Variants in PAX7 observed in about 807,000 individuals in gnomAD.
The protein encoded by PAX7 is paired box 7.
A neutral mutation model predicts 50.7 loss-of-function variants in PAX7; 18 were observed. The ratio of observed to expected loss-of-function variants is 0.36; its 90% CI spans 0.25 to 0.53. PAX7 has a LOEUF of 0.53. Among genes scored for constraint, PAX7 ranks in the 20% least tolerant of loss-of-function variants. The pLI, the probability that PAX7 is intolerant of heterozygous loss-of-function variation, is 0.93. For synonymous variants in PAX7, 310 were observed against 290.4 expected (o/e 1.07, Z -0.69); for missense variants, 644 against 702.9 (o/e 0.92, Z 0.95).
chr1:18,702,535 A>G (rs531849249), intron 6 of PAX7, among the ~76,000 whole-genome samples: 26 of 152,208 alleles, frequency 1.7e-4, no homozygotes, highest in South Asian at 6.3e-4. Context: ...CAGAGAGCGC[A>G]GAATAACAGC....
chr1:18,679,891 T>G (rs1242559233), intron 4 of PAX7, among the ~76,000 whole-genome samples: 2 of 152,222 alleles, frequency 1.3e-5, no homozygotes, highest in African/African-American at 4.8e-5. Flanking sequence ...TGCTTGCCTC[T>G]GAGGGATACA....
At chr1:18,653,054 A>G (rs1418605803) in intron 4 of PAX7, among the ~76,000 whole-genome samples, 2 of 152,178 alleles carry the variant, frequency 1.3e-5, no homozygotes, top group African/African-American at 4.8e-5. Context: ...TTTTGCAGGC[A>G]CTGACTTTGG....
chr1:18,686,294 G>T (rs2088975070), intron 4 of PAX7, among the ~76,000 whole-genome samples: 1 of 152,196 alleles, frequency 6.6e-6, no homozygotes, highest in South Asian at 2.1e-4. Flanking sequence ...CCTGACTAGA[G>T]ACAGGATCCA....
chr1:18,702,998 CG>C, intron 6 of PAX7, 95 bp from the exon 7 acceptor site: 1 of 1,116,940 alleles, frequency 9.0e-7, no homozygotes, highest in Admixed American at 2.1e-5. Context: ...GAATGGAGAC[CG>C]GGAGGAGGAG....
At chr1:18,719,022 G>A (rs1026025292) in intron 7 of PAX7, among the ~76,000 whole-genome samples, 16 of 152,320 alleles carry the variant, frequency 1.1e-4, no homozygotes, top group African/African-American at 3.8e-4. Context: ...CAATCTCAGA[G>A]CTAGAAGGCA....
chr1:18,696,391 AG>A (rs1326207637), intron 5 of PAX7, among the ~76,000 whole-genome samples: 1 of 152,124 alleles, frequency 6.6e-6, no homozygotes, highest in Non-Finnish European at 1.5e-5. Flanking sequence ...TTTATGTGCC[AG>A]GCATGATGGC....
At chr1:18,704,525 C>T (rs187334093) in intron 7 of PAX7, among the ~76,000 whole-genome samples, 19 of 152,102 alleles carry the variant, frequency 1.2e-4, no homozygotes, top group African/African-American at 2.9e-4. Flanking sequence ...GAGGCTGAGG[C>T]GAGAGAATCG....
chr1:18,732,180 C>T (rs1417875573), intron 7 of PAX7, among the ~76,000 whole-genome samples: 2 of 152,130 alleles, frequency 1.3e-5, no homozygotes, highest in African/African-American at 2.4e-5. Context: ...ATTTTTCCTC[C>T]GTAGCATTTA....
At chr1:18,722,544 A>G (rs573365977) in intron 7 of PAX7, among the ~76,000 whole-genome samples, 1 of 152,160 alleles carries the variant, frequency 6.6e-6, no homozygotes, top group East Asian at 1.9e-4. Context: ...GCTAAACAAG[A>G]AGGTGTGGGA....
At chr1:18,739,346 A>G (rs9439735) in intron 8 of PAX7, among the ~76,000 whole-genome samples, 7,639 of 152,346 alleles carry the variant, frequency 0.05, 555 homozygotes, top group African/African-American at 0.16. Flanking sequence ...ATGCATGTGC[A>G]TATGGATAGA....
intron 7 of PAX7, among the ~76,000 whole-genome samples, chr1:18,723,609 G>A (rs1259433309): frequency 1.3e-5 from 2 of 152,222 alleles, no homozygotes; most frequent in Non-Finnish European, 2.9e-5. Flanking sequence ...ACAGAGGTTG[G>A]GGCAAAGATG....
chr1:18,673,859 G>A (rs1373207663), intron 4 of PAX7, among the ~76,000 whole-genome samples: 1 of 152,174 alleles, frequency 6.6e-6, no homozygotes, highest in East Asian at 1.9e-4. Flanking sequence ...TGAGACATCT[G>A]GAAGCAGAAG....
chr1:18,727,234 G>A (rs989057845), intron 7 of PAX7, among the ~76,000 whole-genome samples: 1 of 151,164 alleles, frequency 6.6e-6, no homozygotes. Context: ...ATCACACAAG[G>A]ACTTAGAAGC....
chr1:18,654,465 G>T (rs2088481957), intron 4 of PAX7, among the ~76,000 whole-genome samples: 1 of 152,180 alleles, frequency 6.6e-6, no homozygotes, highest in African/African-American at 2.4e-5. Flanking sequence ...ATGACAAAAT[G>T]CAACACAGTA....
Position 18,634,629 on chromosome 1 carries a change from C to A in PAX7, c.321+91C>A. ...CCTCTTACTACCTCGTGGCACCAGG[C>A]TGTAGGAAAGTACAGCTGGAGGGTG... On this transcript the variant is annotated intron_variant, in intron 2 of 8. Coordinates refer to ENST00000420770, the MANE Select transcript of PAX7 (RefSeq NM_001135254.2). This position sits in a 1 kb window ranked among gnomAD's most constrained non-coding sequence, Gnocchi z 4.0. The A allele has an allele frequency of 9.7e-7, 1 of 1,029,018 alleles. No homozygotes were observed. Among genetic ancestry groups the A allele is most frequent in the Non-Finnish European group, 1.5e-6 (1 of 683,452 alleles). The allele number at this position is 1,029,018 out of a possible 1,614,324, so 63.7% of individuals were successfully genotyped here.
intron 4 of PAX7, among the ~76,000 whole-genome samples, chr1:18,682,725 C>A (rs1179004554): frequency 6.6e-6 from 1 of 152,178 alleles, no homozygotes; most frequent in Middle Eastern, 3.2e-3. Flanking sequence ...AATGGACTCC[C>A]CAGATGTGCT....
intron 7 of PAX7, among the ~76,000 whole-genome samples, chr1:18,705,542 A>C (rs543351140): frequency 6.6e-6 from 1 of 152,216 alleles, no homozygotes; most frequent in South Asian, 2.1e-4. Flanking sequence ...TGCTTTTCCT[A>C]GCCCGCCCTG....
intron 7 of PAX7, among the ~76,000 whole-genome samples, chr1:18,707,438 G>C (rs886946480): frequency 1.9e-5 from 1 of 52,642 alleles, no homozygotes; most frequent in Admixed American, 2.5e-4. Context: ...TTTTTTTTTT[G>C]AGATAGGGTT....
chr1:18,642,163 T>G (rs2088266136), intron 4 of PAX7, among the ~76,000 whole-genome samples: 1 of 151,436 alleles, frequency 6.6e-6, no homozygotes, highest in African/African-American at 2.4e-5. Context: ...AAACATATTT[T>G]TATATAGGAA....
Sources: allele counts gnomAD v4.1 joint callset (sites outside exome capture counted in the v4.1 genomes callset), GRCh38; gene constraint gnomAD v4.1.1; non-coding constraint Gnocchi (gnomAD v3.1); transcripts MANE v1.5; gene names NCBI Gene and HGNC (gene_info 2026-07-23, HGNC 2026-07-21).